Variants in RC3H1 observed in about 807,000 individuals in gnomAD.
The protein encoded by RC3H1 is ring finger and CCCH-type domains 1.
Under a neutral mutation model 138.2 loss-of-function variants are expected in RC3H1, and 50 were observed. The observed-to-expected ratio is 0.36, with a 90% confidence interval of 0.29 to 0.46. RC3H1 has a LOEUF of 0.46. Among genes scored for constraint, RC3H1 ranks in the 20% least tolerant of loss-of-function variants. RC3H1 has a pLI of 1.00. For missense variants in RC3H1, 1,031 were observed against 1,388.1 expected (o/e 0.74, Z 4.09); for synonymous variants, 462 against 489.1 (o/e 0.94, Z 0.73).
rs1443546104 is a variant in RC3H1, at chr1:173,938,888, ATTTTG to A, written c.3252-22_3252-18del. On this transcript the variant is annotated intron_variant, in intron 19 of 19. Coordinates refer to ENST00000367696, the MANE Select transcript of RC3H1 (RefSeq NM_172071.4). ...GGTACATCACTGCTGACATTTTAAA[ATTTTG>A]AAAAAGGAGAGAGAGAAAAATGATT... is the stretch of plus-strand genomic sequence containing the variant. 1 of 1,562,886 alleles carries A rather than the reference ATTTTG, an allele frequency of 6.4e-7. No individual in the cohort carries two copies. The highest frequency in any genetic ancestry group is 8.7e-7 in the Non-Finnish European group (1 of 1,153,456).
chr1:173,999,578 G>A (rs1162920540), intron 1 of RC3H1, among the ~76,000 whole-genome samples: 1 of 152,164 alleles, frequency 6.6e-6, no homozygotes, highest in Non-Finnish European at 1.5e-5. Context: ...GTTTAAGTAT[G>A]ATTAAAACAT....
At chr1:173,942,919 GA>G (rs1297093016) in intron 18 of RC3H1, among the ~76,000 whole-genome samples, 1 of 152,014 alleles carries the variant, frequency 6.6e-6, no homozygotes, top group African/African-American at 2.4e-5. Context: ...TTACTAAAAT[GA>G]ATGTCTGTGC....
At chr1:173,981,589 A>T (rs1429395476) in intron 5 of RC3H1, among the ~76,000 whole-genome samples, 1 of 152,212 alleles carries the variant, frequency 6.6e-6, no homozygotes, top group Non-Finnish European at 1.5e-5. Context: ...TTTCTTCTCC[A>T]TAAATGTGGA....
intron 1 of RC3H1, among the ~76,000 whole-genome samples, chr1:174,003,487 T>C (rs982796728): frequency 5.3e-5 from 8 of 151,870 alleles, no homozygotes; most frequent in African/African-American, 1.9e-4. Flanking sequence ...TCAATCGCCA[T>C]GTACATATTA....
intron 1 of RC3H1, among the ~76,000 whole-genome samples, chr1:174,020,485 G>A (rs1661937142): frequency 6.6e-6 from 1 of 152,162 alleles, no homozygotes; most frequent in Admixed American, 6.5e-5. Context: ...TTTACCCTTA[G>A]AAGAGGTGAA....
chr1:173,996,915 GTT>G (rs145400110), intron 1 of RC3H1, among the ~76,000 whole-genome samples: 1 of 147,004 alleles, frequency 6.8e-6, no homozygotes, highest in Non-Finnish European at 1.5e-5. Context: ...AAGGAATTCT[GTT>G]TTTTTTTTGG....
At chr1:173,972,434 A>G in intron 8 of RC3H1, 75 bp downstream of exon 8, 1 of 954,440 alleles carries the variant, frequency 1.0e-6, no homozygotes, top group Non-Finnish European at 1.7e-6. Context: ...CTGTAGGTAT[A>G]CCCACAGTGG....
intron 3 of RC3H1, 131 bp from the exon 4 acceptor site, chr1:173,983,788 C>T (rs918995648): frequency 4.2e-5 from 34 of 816,892 alleles, no homozygotes; most frequent in Non-Finnish European, 6.4e-5. Context: ...AAATAAGCAA[C>T]AAATAAAACC....
intron 11 of RC3H1, among the ~76,000 whole-genome samples, chr1:173,963,737 C>T (rs1659976887): frequency 6.6e-6 from 1 of 152,070 alleles, no homozygotes; most frequent in South Asian, 2.1e-4. Flanking sequence ...TATATATGAA[C>T]ACATGTATTA....
intron 10 of RC3H1, among the ~76,000 whole-genome samples, 172 bp from the exon 11 acceptor site, chr1:173,964,359 CTT>C (rs541820550): frequency 8.3e-6 from 1 of 120,476 alleles, no homozygotes. Flanking sequence ...TGTTTCTTTT[CTT>C]TTTTTTTTGA....
rs77490215 is a variant in RC3H1 at position 173,993,079 on chromosome 1, T to C, written c.-94A>G. On this transcript the variant is annotated 5_prime_UTR_variant, in exon 2 of 20. Transcript: ENST00000367696. ...CAAAATCTTTGAAAAAAAGTTTATC[T>C]TTTTTTTTTTTAAATATCTTCTGTA... The C allele has an allele frequency of 9.7e-6, 4 of 412,682 alleles. No individual in the cohort carries two copies. Among genetic ancestry groups the C allele is most frequent in the Non-Finnish European group, 1.6e-5 (4 of 250,788 alleles). 25.6% of individuals were successfully genotyped at this position (412,682 alleles called of 1,614,324 possible). A position where few individuals can be genotyped will look rare whatever the true frequency, so the allele number is the denominator to read the frequency against.
At chr1:173,974,807 G>A (rs1409974597) in intron 7 of RC3H1, among the ~76,000 whole-genome samples, 4 of 152,126 alleles carry the variant, frequency 2.6e-5, no homozygotes, top group African/African-American at 4.8e-5. Flanking sequence ...TGACAGGGTC[G>A]CTCCGGCTCT....
At chr1:173,983,293 C>T (rs1557942418) in intron 4 of RC3H1, 125 bp downstream of exon 4, 1 of 1,206,442 alleles carries the variant, frequency 8.3e-7, no homozygotes, top group African/African-American at 1.5e-5. Flanking sequence ...CCATGAACAT[C>T]AAACAAGATA....
intron 1 of RC3H1, among the ~76,000 whole-genome samples, chr1:174,009,576 T>C (rs192704141): frequency 6.6e-6 from 1 of 152,302 alleles, no homozygotes; most frequent in East Asian, 1.9e-4. Flanking sequence ...TGGTGGCTCA[T>C]GTCTGTAATC....
chr1:173,981,274 A>G (rs1351247042), intron 5 of RC3H1, among the ~76,000 whole-genome samples: 1 of 152,172 alleles, frequency 6.6e-6, no homozygotes, highest in Non-Finnish European at 1.5e-5. Flanking sequence ...CTTACCCAAA[A>G]TGCTTGGGCC....
chr1:173,983,015 C>G, intron 4 of RC3H1, 113 bp from the exon 5 acceptor site: 4 of 911,742 alleles, frequency 4.4e-6, no homozygotes, highest in Non-Finnish European at 4.9e-6. Flanking sequence ...ACTGGCAATA[C>G]AGTTAAGATT....
Position 173,968,411 on chromosome 1 carries a change from T to C in RC3H1, c.1334+2094A>G, listed in dbSNP as rs77254504. On this transcript the variant is annotated intron_variant, in intron 9 of 19. Coordinates refer to ENST00000367696, the MANE Select transcript of RC3H1 (RefSeq NM_172071.4). The stretch of plus-strand genomic sequence containing the variant: ...AAGAACACAGTATATTTACTCAATA[T>C]TTCTCTTATGTTCCTAGGTAATTTA... Among the ~76,000 whole-genome samples, 273 of 152,316 alleles carry C rather than the reference T, an allele frequency of 1.8e-3. 3 individuals carry two copies. In the East Asian group the frequency reaches 0.04, roughly 22 times the overall value.
intron 1 of RC3H1, among the ~76,000 whole-genome samples, chr1:174,015,249 C>CCT: frequency 7.1e-6 from 1 of 139,942 alleles, no homozygotes. Flanking sequence ...AATTATAGGC[C>CCT]TTTTTTTTTT....
At chr1:173,952,540 C>A (rs1394643007) in intron 13 of RC3H1, among the ~76,000 whole-genome samples, 1 of 151,790 alleles carries the variant, frequency 6.6e-6, no homozygotes, top group Non-Finnish European at 1.5e-5. Context: ...TTTGCTAGAC[C>A]CTCCTCAACG....
Sources: gnomAD v4.1 joint callset for allele counts (sites outside exome capture counted in the v4.1 genomes callset) on GRCh38, gnomAD v4.1.1 for gene constraint, MANE v1.5 for transcripts, NCBI Gene and HGNC (gene_info 2026-07-23, HGNC 2026-07-21) for gene names.